Variants in FSIP2 observed in about 807,000 individuals in gnomAD.
FSIP2 encodes the protein fibrous sheath interacting protein 2.
A neutral mutation model predicts 510.5 loss-of-function variants in FSIP2; 367 were observed. The ratio of observed to expected loss-of-function variants is 0.72; its 90% CI spans 0.66 to 0.78. The LOEUF (loss-of-function observed/expected upper bound fraction) is 0.78. Among genes scored for constraint, FSIP2 ranks in the 30% least tolerant of loss-of-function variants. FSIP2 has a pLI of 0.00. For missense variants in FSIP2, 7,594 were observed against 7,901.7 expected (o/e 0.96, Z 1.48); for synonymous variants, 2,601 against 2,732.2 (o/e 0.95, Z 1.50).
intron 2 of FSIP2, among the ~76,000 whole-genome samples, chr2:185,742,296 CA>C (rs1191601485): frequency 6.6e-6 from 1 of 152,118 alleles, no homozygotes; most frequent in Non-Finnish European, 1.5e-5. Flanking sequence ...GAACTCACAC[CA>C]AAAAACTCAC....
intron 13 of FSIP2, among the ~76,000 whole-genome samples, chr2:185,774,287 C>T (rs1209557307): frequency 6.6e-6 from 1 of 152,088 alleles, no homozygotes; most frequent in Non-Finnish European, 1.5e-5. Flanking sequence ...GTATTATTCT[C>T]TATAGTTTGT....
chr2:185,817,494 G>A (rs926329710), intron 19 of FSIP2, among the ~76,000 whole-genome samples: 34 of 151,936 alleles, frequency 2.2e-4, no homozygotes, highest in African/African-American at 7.5e-4. Context: ...TGAGTTTGGG[G>A]AAGCACAAAC....
At chr2:185,771,938 T>C (rs1422101562) in intron 13 of FSIP2, among the ~76,000 whole-genome samples, 1 of 152,216 alleles carries the variant, frequency 6.6e-6, no homozygotes, top group Non-Finnish European at 1.5e-5. Context: ...ACATCATTTC[T>C]CGAATGCTTT....
Position 185,831,882 on chromosome 2 carries a change from G to C in FSIP2, c.20587G>C (p.Glu6863Gln), listed in dbSNP as rs1378366464. 2 of 1,571,392 alleles carry C rather than the reference G, an allele frequency of 1.3e-6. No homozygotes were observed. Among genetic ancestry groups the C allele is most frequent in the South Asian group, 1.1e-5 (1 of 90,092 alleles). ...AAATCCCTCAAAGGAAGTCATTTCAGGTACAAAATGTACTATTTTAACAAC... is the reference window on the plus strand; with the variant it reads ...AAATCCCTCAAAGGAAGTCATTTCACGTACAAAATGTACTATTTTAACAAC... ...SANPSKEVIS[E>Q]TPKPDVSKQG... Residue 6863 changes from glutamate to glutamine, a missense_variant and splice_region_variant, in exon 22 of 23, where the codon GAA (glutamate) becomes CAA (glutamine). Transcript: ENST00000424728.
rs1052156094 is a variant in FSIP2 at position 185,796,176 on chromosome 2, T to C, written c.9040T>C (p.Tyr3014His). 6.5e-7 allele frequency: 1 copy of C among 1,532,872 alleles called. No individual in the cohort carries two copies. The highest frequency in any genetic ancestry group is 8.7e-7 in the Non-Finnish European group (1 of 1,145,216). The allele number at this position is 1,532,872 out of a possible 1,614,324, so 95.0% of individuals were successfully genotyped here. ...CTTGCAGTTTAAACATATCTCCAAATATGAGTTTTCTGAAATTGTGAAAAT... is the reference window on the plus strand; with the variant it reads ...CTTGCAGTTTAAACATATCTCCAAACATGAGTTTTCTGAAATTGTGAAAAT... ...VDLQFKHISK[Y>H]EFSEIVKMPI... Residue 3014 changes from tyrosine (Y) to histidine (H), a missense_variant, in exon 16 of 23, where the codon TAT becomes CAT. By Grantham distance (83) the Tyr-to-His change is moderately conservative. Transcript: ENST00000424728.
chr2:185,796,817 T>C lies in FSIP2; in HGVS notation c.9681T>C (p.Pro3227=), dbSNP rs1286540411. The change falls in exon 16 of 23, where the codon CCT becomes CCC. Residue 3227 remains proline (P), a synonymous_variant. Coordinates refer to ENST00000424728, the MANE Select transcript of FSIP2 (RefSeq NM_173651.4). ...TVKNSEPTKR[P]DSETMPSCST... is the part of the protein sequence containing the mutation. Reference sequence around the variant, plus strand: ...AAAACTCAGAGCCAACGAAAAGGCCTGATTCAGAAACTATGCCATCGTGTT... The same window carrying C: ...AAAACTCAGAGCCAACGAAAAGGCCCGATTCAGAAACTATGCCATCGTGTT... 5 of 1,535,066 alleles carry C rather than the reference T, an allele frequency of 3.3e-6. No individual in the cohort carries two copies. The Admixed American group carries it at 5.9e-5, about 18-fold the overall frequency.
At chr2:185,776,002 G>A (rs916083012) in intron 13 of FSIP2, among the ~76,000 whole-genome samples, 1 of 152,122 alleles carries the variant, frequency 6.6e-6, no homozygotes, top group African/African-American at 2.4e-5. Flanking sequence ...GGGTGCAGTG[G>A]TTCATGCCTG....
intron 17 of FSIP2, among the ~76,000 whole-genome samples, chr2:185,811,223 T>A (rs965426779): frequency 1.3e-5 from 2 of 152,024 alleles, no homozygotes; most frequent in African/African-American, 4.8e-5. Flanking sequence ...TCCCAGCACT[T>A]TGGGAGGCCA....
In FSIP2 at chr2:185,791,329, A is replaced by C; in HGVS notation, c.4193A>C (p.Asn1398Thr). 2.0e-6 allele frequency: 3 copies of C among 1,534,200 alleles called. No homozygotes were observed. The highest frequency in any genetic ancestry group is 2.6e-6 in the Non-Finnish European group (3 of 1,145,558). Residue 1398 changes from asparagine to threonine, a missense_variant, in exon 16 of 23, where the codon AAT (asparagine) becomes ACT (threonine). Physicochemically the swap from Asn to Thr is moderately conservative, Grantham distance 65. Coordinates refer to ENST00000424728, the MANE Select transcript of FSIP2 (RefSeq NM_173651.4). ...DSVDVQSILPNRQDKKSFHKY... is the reference protein window; with the variant it reads ...DSVDVQSILPTRQDKKSFHKY... The stretch of plus-strand genomic sequence containing the variant: ...GTTGATGTACAAAGCATTTTGCCAA[A>C]TAGGCAAGATAAAAAATCTTTTCAC...
At chr2:185,815,913 T>G (rs571313893) in intron 19 of FSIP2, among the ~76,000 whole-genome samples, 7 of 152,066 alleles carry the variant, frequency 4.6e-5, no homozygotes, top group African/African-American at 1.4e-4. Context: ...AGATAAATGG[T>G]AGAAAGCAAT....
rs1419827597 is a variant in FSIP2 at position 185,808,542 on chromosome 2, A to C, written c.19236A>C (p.Pro6412=). ...ATCCTGAAGAGCACTGTTTAAATCCAGAAAATACAGAAAGGATTTATCAGG... is the reference window on the plus strand; with the variant it reads ...ATCCTGAAGAGCACTGTTTAAATCCCGAAAATACAGAAAGGATTTATCAGG... ...ASDPEEHCLN[P]ENTERIYQVV... is the part of the protein sequence containing the mutation. Residue 6412 remains proline, a synonymous_variant, in exon 17 of 23, where the codon CCA becomes CCC. Coordinates refer to ENST00000424728, the MANE Select transcript of FSIP2 (RefSeq NM_173651.4). The C allele has an allele frequency of 3.1e-6, 5 of 1,612,610 alleles. No homozygotes were observed. The highest frequency in any genetic ancestry group is 4.2e-6 in the Non-Finnish European group (5 of 1,179,336).
In FSIP2 at chr2:185,807,563, A is replaced by G. The variant is rs200505578; in HGVS notation, c.18257A>G (p.Gln6086Arg). ...DDDEIIQLVV[Q>R]SVYNNLLPQF... ...GATGAAATTATTCAATTAGTGGTTC[A>G]GTCTGTTTATAATAATCTCTTGCCA... The change falls in exon 17 of 23, where the codon CAG (glutamine) becomes CGG (arginine). Residue 6086 changes from glutamine to arginine, a missense_variant. Coordinates refer to ENST00000424728, the MANE Select transcript of FSIP2 (RefSeq NM_173651.4). 4.5e-5 allele frequency: 72 copies of G among 1,612,218 alleles called. No homozygotes were observed. In the African/African-American group the frequency reaches 8.1e-4, roughly 18 times the overall value.
At position 185,791,381 on chromosome 2, in the gene FSIP2, C is replaced by A. The variant is rs950123146; in HGVS notation, c.4245C>A (p.His1415Gln). Residue 1415 changes from histidine to glutamine, a missense_variant, in exon 16 of 23, where the codon CAC (histidine) becomes CAA (glutamine). By Grantham distance (24) the His-to-Gln change is conservative. Transcript: ENST00000424728. ...FHKYLATPCT[H>Q]HSVNGGNHIK... Reference sequence around the variant, plus strand: ...AATATTTGGCTACTCCTTGTACTCACCACAGTGTCAATGGTGGAAACCATA... The same window carrying A: ...AATATTTGGCTACTCCTTGTACTCAACACAGTGTCAATGGTGGAAACCATA... 7.9e-5 allele frequency: 121 copies of A among 1,533,980 alleles called. No homozygotes were observed. The highest frequency in any genetic ancestry group is 1.0e-4 in the Non-Finnish European group (119 of 1,145,518).
At chr2:185,746,069 GTTATAGTTC>G (rs1559009289) in intron 5 of FSIP2, among the ~76,000 whole-genome samples, 1 of 152,102 alleles carries the variant, frequency 6.6e-6, no homozygotes, top group Non-Finnish European at 1.5e-5. Context: ...AGTAAAGGAT[GTTATAGTTC>G]TTTTTCCTTC....
In FSIP2 at chr2:185,797,209, C is replaced by G; in HGVS notation, c.10073C>G (p.Pro3358Arg). 6.5e-7 allele frequency: 1 copy of G among 1,534,808 alleles called. No individual in the cohort carries two copies. The highest frequency in any genetic ancestry group is 8.7e-7 in the Non-Finnish European group (1 of 1,146,168). Residue 3358 changes from proline (P) to arginine (R), a missense_variant, in exon 16 of 23, where the codon CCA (proline) becomes CGA (arginine). Coordinates refer to ENST00000424728, the MANE Select transcript of FSIP2 (RefSeq NM_173651.4). Reference sequence around the variant, plus strand: ...AATGAGAACAGGGAAATAATGAAACCATTTTTCATATCAAAACAAAGCTCT... The same window carrying G: ...AATGAGAACAGGGAAATAATGAAACGATTTTTCATATCAAAACAAAGCTCT... ...HTNENREIMK[P>R]FFISKQSSLS...
chr2:185,829,238 G>A (rs1215977073), intron 21 of FSIP2, among the ~76,000 whole-genome samples: 1 of 151,832 alleles, frequency 6.6e-6, no homozygotes, highest in African/African-American at 2.4e-5. Flanking sequence ...TATGGTTAAA[G>A]TTGTTATCTA....
At position 185,805,270 on chromosome 2, in the gene FSIP2, G is replaced by A; in HGVS notation, c.15964G>A (p.Glu5322Lys). The part of the protein sequence containing the change: ...ALKLANSLIR[E>K]FKKSDIKVLP... ...AAAACTTGCAAATTCTCTGATAAGG[G>A]AATTTAAGAAAAGTGATATTAAAGT... Residue 5322 changes from glutamate (E) to lysine (K), a missense_variant, in exon 17 of 23, where the codon GAA (glutamate) becomes AAA (lysine). Coordinates refer to ENST00000424728, the MANE Select transcript of FSIP2 (RefSeq NM_173651.4). 3 of 1,590,900 alleles carry A rather than the reference G, an allele frequency of 1.9e-6. No individual in the cohort carries two copies. The highest frequency in any genetic ancestry group is 1.2e-5 in the South Asian group (1 of 86,474).
At position 185,804,102 on chromosome 2, in the gene FSIP2, A is replaced by C; in HGVS notation, c.14796A>C (p.Ile4932=). Residue 4932 remains isoleucine, a synonymous_variant, in exon 17 of 23, where the codon ATA becomes ATC. Coordinates refer to ENST00000424728, the MANE Select transcript of FSIP2 (RefSeq NM_173651.4). ...ATCAAACTTATAAATTGAAAGCAAT[A>C]GATCCTAAACAAAGAGAATTATCTT... ...AVDQTYKLKA[I]DPKQRELSFI... is the part of the protein sequence containing the mutation. 1 of 1,527,718 alleles carries C rather than the reference A, an allele frequency of 6.5e-7. No individual in the cohort carries two copies. The highest frequency in any genetic ancestry group is 1.4e-5 in the African/African-American group (1 of 72,678). The allele number at this position is 1,527,718 out of a possible 1,614,324, so 94.6% of individuals were successfully genotyped here. A position where few individuals can be genotyped will look rare whatever the true frequency, so the allele number is the denominator to read the frequency against.
At position 185,807,099 on chromosome 2, in the gene FSIP2, A is replaced by G; in HGVS notation, c.17793A>G (p.Gln5931=). Residue 5931 remains glutamine, a synonymous_variant, in exon 17 of 23, where the codon CAA becomes CAG. Coordinates refer to ENST00000424728, the MANE Select transcript of FSIP2 (RefSeq NM_173651.4). ...VCNILNDYGS[Q]DSIWKNINSN... ...ATATTTTAAATGACTATGGATCTCA[A>G]GACTCTATTTGGAAGAATATAAACA... 1 of 1,597,842 alleles carries G rather than the reference A, an allele frequency of 6.3e-7. No homozygotes were observed. The highest frequency in any genetic ancestry group is 8.5e-7 in the Non-Finnish European group (1 of 1,174,478).
Sources: gnomAD v4.1 joint callset for allele counts (sites outside exome capture counted in the v4.1 genomes callset) on GRCh38, gnomAD v4.1.1 for gene constraint, MANE v1.5 for transcripts, NCBI Gene and HGNC (gene_info 2026-07-23, HGNC 2026-07-21) for gene names.